STON2: variants seen among roughly 807,000 people sequenced by gnomAD.
STON2 encodes stonin-2.
In STON2, 29 loss-of-function variants were observed where a neutral mutation model predicts 65.7. The ratio of observed to expected loss-of-function variants is 0.44; its 90% CI spans 0.33 to 0.60. The LOEUF (loss-of-function observed/expected upper bound fraction) is 0.60. Ranked by LOEUF, STON2 falls within the 20% of genes least tolerant of loss-of-function variation. STON2 has a pLI of 0.03. For synonymous variants in STON2, 404 were observed against 414.2 expected, an observed-to-expected ratio of 0.98 and a Z score of 0.30; for missense variants, 1,054 against 1,118.1, an observed-to-expected ratio of 0.94 and a Z score of 0.82.
chr14:81,381,733 A>G (rs1899527865), intron 3 of STON2, among the ~76,000 whole-genome samples: 1 of 152,220 alleles, frequency 6.6e-6, no homozygotes, highest in African/African-American at 2.4e-5. Context: ...TAGGATAGTA[A>G]CTAGAAACCA....
intron 3 of STON2, among the ~76,000 whole-genome samples, chr14:81,372,446 T>C (rs141675074): frequency 0.027 from 4,044 of 151,844 alleles, 187 homozygotes; most frequent in African/African-American, 0.092. Flanking sequence ...TCCCAGCTAC[T>C]TGGGAGGCTG....
Position 81,261,645 on chromosome 14 carries a change from T to G in STON2, c.*6769A>C. 1 of 839,684 alleles carries G rather than the reference T, an allele frequency of 1.2e-6. No individual in the cohort carries two copies. The highest frequency in any genetic ancestry group is 1.6e-6 in the Non-Finnish European group (1 of 622,010). The allele number at this position is 839,684 out of a possible 1,614,324, so 52.0% of individuals were successfully genotyped here. On this transcript the variant is annotated 3_prime_UTR_variant, in exon 8 of 8. Transcript: ENST00000614646. ...CTCCTTCAATTTTCACAATATTTTATACAAAATGACAAATATATATATACC... is the reference window on the plus strand; with the variant it reads ...CTCCTTCAATTTTCACAATATTTTAGACAAAATGACAAATATATATATACC...
At chr14:81,389,884 C>T (rs980103891) in intron 3 of STON2, among the ~76,000 whole-genome samples, 1 of 152,212 alleles carries the variant, frequency 6.6e-6, no homozygotes, top group Non-Finnish European at 1.5e-5. Flanking sequence ...TCCTTTGCTT[C>T]CTCAGAGCCA....
chr14:81,425,971 A>C (rs7156951), intron 2 of STON2, among the ~76,000 whole-genome samples: 43,870 of 152,100 alleles, frequency 0.29, 9,580 homozygotes, highest in African/African-American at 0.6. Flanking sequence ...ATTCAAAGGG[A>C]TTTAAACACA....
intron 1 of STON2, among the ~76,000 whole-genome samples, chr14:81,433,174 G>C (rs756982105): frequency 4.6e-5 from 7 of 152,186 alleles, no homozygotes; most frequent in Non-Finnish European, 1.0e-4. Flanking sequence ...GTGCATTTTA[G>C]GAGAGAACTT....
At chr14:81,305,864 C>G (rs1200627023) in intron 5 of STON2, among the ~76,000 whole-genome samples, 1 of 152,012 alleles carries the variant, frequency 6.6e-6, no homozygotes, top group Non-Finnish European at 1.5e-5. Context: ...TAACCCAAAT[C>G]AATGCAAAAC....
intron 4 of STON2, among the ~76,000 whole-genome samples, chr14:81,361,628 G>T (rs533913399): frequency 2.0e-5 from 3 of 151,880 alleles, no homozygotes; most frequent in African/African-American, 7.2e-5. Context: ...CACAGGAAAC[G>T]AAATAAAAAA....
At chr14:81,400,371 A>T (rs1371105978), upstream of STON2, among the ~76,000 whole-genome samples, 1 of 151,718 alleles carries the variant, frequency 6.6e-6, no homozygotes, top group Non-Finnish European at 1.5e-5. Flanking sequence ...AATGTGTGTC[A>T]CTCAATGTGG....
At chr14:81,409,968 G>C (rs1901069424) in intron 2 of STON2, among the ~76,000 whole-genome samples, 1 of 152,120 alleles carries the variant, frequency 6.6e-6, no homozygotes, top group Non-Finnish European at 1.5e-5. Context: ...CTAAAATATA[G>C]TTCTAAAAAG....
At chr14:81,322,759 T>C (rs1371110788) in intron 5 of STON2, among the ~76,000 whole-genome samples, 1 of 152,236 alleles carries the variant, frequency 6.6e-6, no homozygotes, top group Non-Finnish European at 1.5e-5. Flanking sequence ...AGACTTCCTA[T>C]ATGCCAGAAA....
intron 5 of STON2, among the ~76,000 whole-genome samples, chr14:81,314,352 GTTTATCCTAT>G (rs2140223528): frequency 6.6e-6 from 1 of 152,310 alleles, no homozygotes; most frequent in South Asian, 2.1e-4. Flanking sequence ...AGATGAAAGG[GTTTATCCTAT>G]ATTCAAATGG....
chr14:81,346,223 T>C (rs1897805027), intron 4 of STON2, among the ~76,000 whole-genome samples: 1 of 152,222 alleles, frequency 6.6e-6, no homozygotes, highest in Non-Finnish European at 1.5e-5. Flanking sequence ...AGGAGCTTTT[T>C]TTCCAGGACC....
intron 2 of STON2, among the ~76,000 whole-genome samples, chr14:81,410,466 A>C (rs1380533924): frequency 2.0e-5 from 3 of 152,190 alleles, no homozygotes; most frequent in African/African-American, 7.2e-5. Flanking sequence ...GAGATGATCC[A>C]GGTGAGCCAA....
chr14:81,387,239 A>C (rs1488430666), intron 3 of STON2, among the ~76,000 whole-genome samples: 1 of 152,116 alleles, frequency 6.6e-6, no homozygotes, highest in Non-Finnish European at 1.5e-5. Flanking sequence ...GAGTTCAATA[A>C]ATGAGTTTTC....
intron 5 of STON2, among the ~76,000 whole-genome samples, chr14:81,287,963 G>T (rs1384032149): frequency 6.6e-6 from 1 of 152,184 alleles, no homozygotes; most frequent in Non-Finnish European, 1.5e-5. Context: ...CCTTGCTGTG[G>T]TCTGATACGG....
At chr14:81,339,042 A>G (rs1277662815) in intron 4 of STON2, among the ~76,000 whole-genome samples, 2 of 151,806 alleles carry the variant, frequency 1.3e-5, no homozygotes, top group African/African-American at 4.8e-5. Flanking sequence ...GATGAAGAGG[A>G]CATTCGATAG....
intron 4 of STON2, among the ~76,000 whole-genome samples, chr14:81,349,315 G>C (rs753184402): frequency 6.6e-6 from 1 of 151,942 alleles, no homozygotes; most frequent in Non-Finnish European, 1.5e-5. Context: ...TATTGAATGG[G>C]AAAAAACATT....
chr14:81,337,034 G>A (rs547259550), intron 4 of STON2, among the ~76,000 whole-genome samples: 31 of 152,126 alleles, frequency 2.0e-4, no homozygotes, highest in Admixed American at 7.9e-4. Flanking sequence ...TAATAAATTC[G>A]AGGATGTGAA....
chr14:81,284,018 T>C (rs936623379), intron 5 of STON2, among the ~76,000 whole-genome samples: 3 of 152,232 alleles, frequency 2.0e-5, no homozygotes, highest in Non-Finnish European at 4.4e-5. Flanking sequence ...GTAACTGTTT[T>C]GGGGCACCAT....
Sources: allele counts gnomAD v4.1 joint callset (sites outside exome capture counted in the v4.1 genomes callset), GRCh38; gene constraint gnomAD v4.1.1; transcripts MANE v1.5; gene names NCBI Gene and HGNC (gene_info 2026-07-23, HGNC 2026-07-21).